Variants in MAF observed in about 807,000 individuals in gnomAD.
MAF encodes the protein transcription factor Maf.
A neutral mutation model predicts 22.0 loss-of-function variants in MAF; 10 were observed. The observed-to-expected ratio is 0.45, with a 90% CI of 0.28 to 0.77. MAF has a LOEUF of 0.77. Among genes scored for constraint, MAF ranks in the 30% least tolerant of loss-of-function variants. The pLI, the probability that MAF is intolerant of heterozygous loss-of-function variation, is 0.12. For synonymous variants in MAF, 337 were observed against 255.8 expected, an observed-to-expected ratio of 1.32 and a Z score of -3.03; for missense variants, 544 against 548.4, an observed-to-expected ratio of 0.99 and a Z score of 0.08.
the MAF span, among the ~76,000 whole-genome samples, chr16:79,307,268 C>T: frequency 4.6e-5 from 7 of 152,328 alleles, no homozygotes; most frequent in African/African-American, 1.4e-4. Flanking sequence ...GCCATGAACT[C>T]GTAGCCCTAG....
At chr16:79,418,847 G>C in the MAF span, among the ~76,000 whole-genome samples, 1 of 152,174 alleles carries the variant, frequency 6.6e-6, no homozygotes, top group East Asian at 1.9e-4. Flanking sequence ...GTTGGGTGGA[G>C]CTGCAGGCCC....
At chr16:79,509,947 C>T in the MAF span, among the ~76,000 whole-genome samples, 6 of 152,182 alleles carry the variant, frequency 3.9e-5, no homozygotes, top group Admixed American at 1.3e-4. Flanking sequence ...AAGGGACTCA[C>T]CGCTGAAGGA....
At chr16:79,487,301 T>A in the MAF span, among the ~76,000 whole-genome samples, 1 of 152,030 alleles carries the variant, frequency 6.6e-6, no homozygotes, top group Admixed American at 6.6e-5. Context: ...GAGTAGTGGT[T>A]TTTTAAGGGA....
At chr16:79,523,563 T>G in the MAF span, among the ~76,000 whole-genome samples, 1 of 152,154 alleles carries the variant, frequency 6.6e-6, no homozygotes, top group Non-Finnish European at 1.5e-5. Context: ...GACAGGTAAA[T>G]GAGAGATGCT....
At chr16:79,567,691 C>T in the MAF span, among the ~76,000 whole-genome samples, 1 of 152,192 alleles carries the variant, frequency 6.6e-6, no homozygotes, top group Admixed American at 6.5e-5. Flanking sequence ...CTCCTCCCTG[C>T]CTACCATCGC....
the MAF span, among the ~76,000 whole-genome samples, chr16:79,478,996 G>T: frequency 6.9e-6 from 1 of 145,616 alleles, no homozygotes; most frequent in Admixed American, 6.8e-5. Flanking sequence ...TACCTGTATA[G>T]CATCCTAGTG....
At chr16:79,262,788 T>C in the MAF span, among the ~76,000 whole-genome samples, 26,386 of 152,194 alleles carry the variant, frequency 0.17, 2,558 homozygotes, top group African/African-American at 0.22. Flanking sequence ...CCAGCCAATC[T>C]AAATGGGAGA....
chr16:79,226,062 A>G, the MAF span, among the ~76,000 whole-genome samples: 3 of 152,346 alleles, frequency 2.0e-5, no homozygotes, highest in East Asian at 5.8e-4. Flanking sequence ...TCATTCTACT[A>G]TAAAGACAAA....
At chr16:79,305,766 A>T in the MAF span, among the ~76,000 whole-genome samples, 1 of 152,232 alleles carries the variant, frequency 6.6e-6, no homozygotes, top group Non-Finnish European at 1.5e-5. Flanking sequence ...TGAAAGGTCA[A>T]TGGGGGATGC....
chr16:79,483,469 G>C, the MAF span, among the ~76,000 whole-genome samples: 1 of 151,112 alleles, frequency 6.6e-6, no homozygotes, highest in African/African-American at 2.4e-5. Context: ...CTGGCATGGA[G>C]TGGACAGGCC....
the MAF span, among the ~76,000 whole-genome samples, chr16:79,271,762 G>T: frequency 2.5e-4 from 38 of 152,304 alleles, no homozygotes; most frequent in Non-Finnish European, 2.9e-5. Context: ...ATCTATCCAG[G>T]TTTCTTCCTT....
the MAF span, among the ~76,000 whole-genome samples, chr16:79,514,742 A>G: frequency 4.5e-3 from 679 of 152,296 alleles, 8 homozygotes; most frequent in African/African-American, 0.015. Flanking sequence ...GGCGGCCTCT[A>G]TCAATCAGGG....
At chr16:79,367,888 C>T in the MAF span, among the ~76,000 whole-genome samples, 1 of 152,142 alleles carries the variant, frequency 6.6e-6, no homozygotes, top group African/African-American at 2.4e-5. Flanking sequence ...TCTTTTGGTC[C>T]TTCAGATCTC....
chr16:79,300,197 T>TA, the MAF span, among the ~76,000 whole-genome samples: 2 of 152,230 alleles, frequency 1.3e-5, no homozygotes, highest in Non-Finnish European at 2.9e-5. Context: ...GTGTATGGAA[T>TA]AAAAAATTAA....
the MAF span, among the ~76,000 whole-genome samples, chr16:79,549,709 C>G: frequency 4.6e-5 from 7 of 152,136 alleles, no homozygotes; most frequent in African/African-American, 1.7e-4. Context: ...CTTGCAGCAT[C>G]TAAAAAAGCG....
the MAF span, among the ~76,000 whole-genome samples, chr16:79,287,277 C>G: frequency 6.6e-6 from 1 of 152,240 alleles, no homozygotes; most frequent in South Asian, 2.1e-4. Flanking sequence ...CTGTTAGACA[C>G]CTGCCACGCT....
At chr16:79,496,408 A>G in the MAF span, among the ~76,000 whole-genome samples, 1 of 152,212 alleles carries the variant, frequency 6.6e-6, no homozygotes, top group South Asian at 2.1e-4. Context: ...CAAAATCAGC[A>G]GGCTTAGAAC....
At chr16:79,552,580 C>T in the MAF span, among the ~76,000 whole-genome samples, 1 of 152,178 alleles carries the variant, frequency 6.6e-6, no homozygotes, top group Non-Finnish European at 1.5e-5. Flanking sequence ...TTTTAAGTCT[C>T]ACTTCTTTTG....
chr16:79,555,470 A>G, the MAF span, among the ~76,000 whole-genome samples: 1 of 152,214 alleles, frequency 6.6e-6, no homozygotes, highest in African/African-American at 2.4e-5. Flanking sequence ...AGTATTTGCC[A>G]ATTTCTGTAG....
Sources: allele counts gnomAD v4.1 joint callset (sites outside exome capture counted in the v4.1 genomes callset), GRCh38; gene constraint gnomAD v4.1.1; transcripts MANE v1.5; gene names NCBI Gene and HGNC (gene_info 2026-07-23, HGNC 2026-07-21).